The following GALNT16 variants were observed in gnomAD, a reference collection of about 807,000 sequenced individuals.
GALNT16 encodes the protein UDP-GalNAc:polypeptide N-acetylgalactosaminyltransferase-like protein 1.
Under a neutral mutation model 76.1 loss-of-function variants are expected in GALNT16, and 40 were observed. The observed-to-expected ratio is 0.53, with a 90% confidence interval of 0.41 to 0.68. GALNT16 has a LOEUF of 0.68. GALNT16 is among the 30% of genes least tolerant of loss of function. GALNT16 has a pLI of 0.00. For missense variants in GALNT16, 621 were observed against 731.9 expected, an observed-to-expected ratio of 0.85 and a Z score of 1.75; for synonymous variants, 276 against 285.2, an observed-to-expected ratio of 0.97 and a Z score of 0.32.
At chr14:69,331,346 C>G in intron 6 of GALNT16, 118 bp from the exon 7 acceptor site, 1 of 702,152 alleles carries the variant, frequency 1.4e-6, no homozygotes, top group Non-Finnish European at 2.6e-6. Context: ...CTGGGCATAC[C>G]CTGCAGGAAG....
intron 1 of GALNT16, among the ~76,000 whole-genome samples, 167 bp from the exon 2 acceptor site, chr14:69,320,544 G>A (rs945705396): frequency 6.6e-6 from 1 of 152,054 alleles, no homozygotes; most frequent in African/African-American, 2.4e-5. Context: ...TTGAGCCTCA[G>A]TTTTCTCTTC....
At chr14:69,282,979 A>G (rs1052098163) in intron 1 of GALNT16, among the ~76,000 whole-genome samples, 4 of 151,910 alleles carry the variant, frequency 2.6e-5, no homozygotes, top group African/African-American at 4.8e-5. Context: ...ATGATTTTTT[A>G]TATGTTCTCT....
intron 1 of GALNT16, among the ~76,000 whole-genome samples, chr14:69,283,247 A>G (rs1471959816): frequency 2.0e-5 from 3 of 152,222 alleles, no homozygotes; most frequent in Non-Finnish European, 4.4e-5. Context: ...ATGGATCACT[A>G]ATGTCAGTCA....
At chr14:69,301,280 G>A (rs191877231) in intron 1 of GALNT16, among the ~76,000 whole-genome samples, 3 of 152,260 alleles carry the variant, frequency 2.0e-5, no homozygotes, top group South Asian at 4.1e-4. Flanking sequence ...GCAGGTGTGC[G>A]ATCACTCTTC....
chr14:69,385,255 T>G, the GALNT16 span, among the ~76,000 whole-genome samples: 2 of 152,172 alleles, frequency 1.3e-5, no homozygotes, highest in African/African-American at 2.4e-5. Context: ...TGATTTCACT[T>G]TAAATCACTA....
At chr14:69,277,080 A>T (rs1191027740) in intron 1 of GALNT16, among the ~76,000 whole-genome samples, 1 of 152,208 alleles carries the variant, frequency 6.6e-6, no homozygotes, top group Non-Finnish European at 1.5e-5. Context: ...AAGGCAAGAG[A>T]GACGAGATCC....
At chr14:69,276,116 G>A (rs1401431714) in intron 1 of GALNT16, among the ~76,000 whole-genome samples, 1 of 152,074 alleles carries the variant, frequency 6.6e-6, no homozygotes, top group Non-Finnish European at 1.5e-5. Flanking sequence ...CATTGATTCA[G>A]TTACCTCCCA....
At chr14:69,343,410 A>G (rs934279077) in intron 12 of GALNT16, among the ~76,000 whole-genome samples, 2 of 152,228 alleles carry the variant, frequency 1.3e-5, no homozygotes, top group Non-Finnish European at 2.9e-5. Context: ...CTCTAAATGA[A>G]CAAGATTAAA....
intron 12 of GALNT16, among the ~76,000 whole-genome samples, chr14:69,345,506 C>T (rs1335732374): frequency 6.6e-6 from 1 of 152,136 alleles, no homozygotes; most frequent in East Asian, 1.9e-4. Context: ...GGCCCAACCC[C>T]CCAGGCCCAG....
intron 1 of GALNT16, among the ~76,000 whole-genome samples, chr14:69,265,660 A>T (rs1282706260): frequency 6.6e-6 from 1 of 152,218 alleles, no homozygotes; most frequent in African/African-American, 2.4e-5. Flanking sequence ...TGAACAGCAG[A>T]GCAAAGACAC....
At chr14:69,357,314 G>T (rs935031476), downstream of GALNT16, 1 of 152,312 alleles carries the variant, frequency 6.6e-6, no homozygotes, top group African/African-American at 2.4e-5. Flanking sequence ...CTGGATAAAG[G>T]TTGGACTGGA....
intron 1 of GALNT16, 58 bp from the exon 2 acceptor site, chr14:69,320,653 C>T (rs997597880): frequency 6.5e-6 from 10 of 1,539,280 alleles, no homozygotes; most frequent in Admixed American, 3.5e-5. Context: ...GCTGAGCACT[C>T]GCCAAGCAGT....
chr14:69,303,571 C>T (rs1001271998), intron 1 of GALNT16, among the ~76,000 whole-genome samples: 2 of 152,114 alleles, frequency 1.3e-5, no homozygotes, highest in African/African-American at 4.8e-5. Flanking sequence ...AGGAAAAAGT[C>T]TGAAAAGATT....
At chr14:69,367,111 G>C in the GALNT16 span, among the ~76,000 whole-genome samples, 1 of 152,164 alleles carries the variant, frequency 6.6e-6, no homozygotes, top group African/African-American at 2.4e-5. Flanking sequence ...GGAATCGCAA[G>C]AAGTGTGGTC....
chr14:69,323,193 G>A (rs766283473), intron 2 of GALNT16, among the ~76,000 whole-genome samples: 1 of 152,206 alleles, frequency 6.6e-6, no homozygotes, highest in Non-Finnish European at 1.5e-5. Flanking sequence ...GGGGAGCAAA[G>A]GGACATAAAC....
chr14:69,337,715 A>G (rs994313274), intron 9 of GALNT16, among the ~76,000 whole-genome samples: 4 of 152,084 alleles, frequency 2.6e-5, no homozygotes, highest in Non-Finnish European at 5.9e-5. Context: ...CTGGCCCTGA[A>G]CCACATCTGG....
At position 69,347,903 on chromosome 14, in the gene GALNT16, C is replaced by G; in HGVS notation, c.1440C>G (p.Ile480Met). ...AQAWLFSDHL[I>M]QQQGKCLAAT... ...CATGGCTGTTCAGTGACCACCTCATCCAGCAGCAGGGGAAGTGCCTGGCTG... is the reference window on the plus strand; with the variant it reads ...CATGGCTGTTCAGTGACCACCTCATGCAGCAGCAGGGGAAGTGCCTGGCTG... Residue 480 changes from isoleucine to methionine, a missense_variant, in exon 14 of 15, where the codon ATC (isoleucine) becomes ATG (methionine). Coordinates refer to ENST00000448469, the MANE Select transcript of GALNT16 (RefSeq NM_001168368.2). 6.2e-7 allele frequency: 1 copy of G among 1,613,964 alleles called. No homozygotes were observed. The highest frequency in any genetic ancestry group is 1.3e-5 in the African/African-American group (1 of 75,058).
At chr14:69,374,621 A>T in the GALNT16 span, among the ~76,000 whole-genome samples, 3 of 152,242 alleles carry the variant, frequency 2.0e-5, no homozygotes, top group Non-Finnish European at 4.4e-5. Flanking sequence ...CAACATTTTG[A>T]ACAGTAGTGG....
intron 12 of GALNT16, among the ~76,000 whole-genome samples, chr14:69,343,147 G>T (rs767502446): frequency 6.6e-6 from 1 of 152,262 alleles, no homozygotes; most frequent in Middle Eastern, 3.4e-3. Flanking sequence ...AGCCGCATGC[G>T]CCCTCTATAG....
Sources: allele counts gnomAD v4.1 joint callset (sites outside exome capture counted in the v4.1 genomes callset), GRCh38; gene constraint gnomAD v4.1.1; transcripts MANE v1.5; gene names NCBI Gene and HGNC (gene_info 2026-07-23, HGNC 2026-07-21).